ZNF730: variants seen among roughly 807,000 people sequenced by gnomAD.
ZNF730 encodes putative zinc finger protein 730.
A neutral mutation model predicts 12.6 loss-of-function variants in ZNF730; 12 were observed. That is an observed-to-expected ratio of 0.95 (90% CI 0.61 to 1.54). ZNF730 has a LOEUF of 1.54. ZNF730 is among the 40% of genes most tolerant of loss of function. ZNF730 has a pLI of 0.00. For missense variants in ZNF730, 643 were observed against 583.5 expected (o/e 1.10, Z -1.05); for synonymous variants, 194 against 195.8 (o/e 0.99, Z 0.08).
intron 1 of ZNF730, among the ~76,000 whole-genome samples, chr19:23,082,708 AT>A (rs913845297): frequency 6.0e-5 from 8 of 134,350 alleles, no homozygotes; most frequent in Non-Finnish European, 3.2e-5. Context: ...TTCTTTTTTC[AT>A]TTTTTTTTTG....
rs543016427 is a variant in ZNF730, at chr19:23,126,404, C to T, written c.4-7676C>T. On this transcript the variant is annotated intron_variant, in intron 1 of 3. Coordinates refer to ENST00000597761, the MANE Select transcript of ZNF730 (RefSeq NM_001277403.2). ...GGCATTACACCACACAGACTGGCATCGCCTGTACATGGTGCTGCTCCATGC... is the reference window on the plus strand; with the variant it reads ...GGCATTACACCACACAGACTGGCATTGCCTGTACATGGTGCTGCTCCATGC... Among the ~76,000 whole-genome samples the T allele has an allele frequency of 5.3e-5, 8 of 152,304 alleles. No individual in the cohort carries two copies. The South Asian group carries it at 1.4e-3, about 28-fold the overall frequency.
intron 1 of ZNF730, among the ~76,000 whole-genome samples, chr19:23,121,157 G>C (rs532878833): frequency 6.6e-6 from 1 of 152,310 alleles, no homozygotes; most frequent in South Asian, 2.1e-4. Flanking sequence ...GTGGTGGTGA[G>C]AAGAGTGTAT....
chr19:23,093,531 C>T (rs1438688584), intron 1 of ZNF730, among the ~76,000 whole-genome samples: 1 of 152,178 alleles, frequency 6.6e-6, no homozygotes, highest in Non-Finnish European at 1.5e-5. Flanking sequence ...TCCTGCTTCC[C>T]CCCCTCATTC....
intron 1 of ZNF730, 57 bp downstream of exon 1, chr19:23,117,233 G>T: frequency 6.2e-7 from 1 of 1,612,982 alleles, no homozygotes; most frequent in Admixed American, 1.7e-5. Context: ...GGAACCGGTG[G>T]GAAGCGGCTG....
At chr19:23,098,727 A>G (rs768753779) in intron 1 of ZNF730, among the ~76,000 whole-genome samples, 1 of 152,152 alleles carries the variant, frequency 6.6e-6, no homozygotes, top group African/African-American at 2.4e-5. Flanking sequence ...CTGCCTGATC[A>G]GTGCCGTCAG....
intron 1 of ZNF730, chr19:23,127,934 A>T (rs149093695): frequency 2.9e-6 from 2 of 689,900 alleles, no homozygotes; most frequent in African/African-American, 3.5e-5. Context: ...GGCCTAACCA[A>T]TTACACTGCA....
In ZNF730 at chr19:23,127,848, T is replaced by G. The variant is rs937732880; in HGVS notation, c.4-6232T>G. On this transcript the variant is annotated intron_variant, in intron 1 of 3. Transcript: ENST00000597761. ...TAACAAACAAATATTGTCAGATTGC[T>G]TATACCCGTATAGAAGAGGATGTGA... The G allele has an allele frequency of 1.2e-5, 8 of 662,242 alleles. No individual in the cohort carries two copies. The East Asian group carries it at 2.1e-4, about 17-fold the overall frequency. The allele number at this position is 662,242 out of a possible 1,614,324, so 41.0% of individuals were successfully genotyped here.
intron 1 of ZNF730, among the ~76,000 whole-genome samples, chr19:23,077,552 C>T (rs1477930123): frequency 2.7e-5 from 4 of 147,454 alleles, no homozygotes; most frequent in African/African-American, 9.9e-5. Flanking sequence ...ATCCTCCTGC[C>T]TTAGCCTCCC....
rs1007819236 is a variant in ZNF730, at chr19:23,105,118, CTTTT to C, written c.-93-28947_-93-28944del. The stretch of plus-strand genomic sequence containing the variant: ...CAGTCCTGTTATGATTTTTTCTTTT[CTTTT>C]TTTTTTTTTTTTTTAGATGGAGTCT... On this transcript the variant is annotated intron_variant, in intron 1 of 2. Transcript: ENST00000593635. 6.8e-5 allele frequency among the ~76,000 whole-genome samples: 6 copies of C among 87,728 alleles called. No homozygotes were observed. In the South Asian group the frequency reaches 2.0e-3, roughly 30 times the overall value. 57.6% of individuals were successfully genotyped at this position (87,728 alleles called of 152,430 possible).
At position 23,141,581 on chromosome 19, in the gene ZNF730, C is replaced by T. The variant is rs142575414; in HGVS notation, c.227-3690C>T. On this transcript the variant is annotated intron_variant, in intron 3 of 3. Transcript: ENST00000597761. Reference sequence around the variant, plus strand: ...GCATTGAGCAGGATAGACACATTTACAATATTAACTATTTCAACCTTTCTA... The same window carrying T: ...GCATTGAGCAGGATAGACACATTTATAATATTAACTATTTCAACCTTTCTA... 1.6e-4 allele frequency among the ~76,000 whole-genome samples: 24 copies of T among 152,222 alleles called. No individual in the cohort carries two copies. In the East Asian group the frequency reaches 3.1e-3, roughly 20 times the overall value.
At chr19:23,088,177 G>A (rs574929147) in intron 1 of ZNF730, among the ~76,000 whole-genome samples, 117 of 151,938 alleles carry the variant, frequency 7.7e-4, no homozygotes, top group Non-Finnish European at 1.4e-3. Flanking sequence ...CCACCACCAC[G>A]CCTGGCTAAT....
chr19:23,143,659 TG>T (rs772993704), intron 3 of ZNF730: 2 of 152,346 alleles, frequency 1.3e-5, no homozygotes, highest in East Asian at 1.9e-4. Context: ...TTGGCTATTT[TG>T]GAACATCATT....
chr19:23,141,328 GA>G (rs1341057810), intron 3 of ZNF730, among the ~76,000 whole-genome samples: 4 of 151,990 alleles, frequency 2.6e-5, no homozygotes, highest in African/African-American at 9.7e-5. Context: ...CCAGGAGGCA[GA>G]GGTTGTAGGG....
chr19:23,090,964 C>T (rs946559770), intron 1 of ZNF730, among the ~76,000 whole-genome samples: 2 of 151,408 alleles, frequency 1.3e-5, no homozygotes, highest in African/African-American at 4.9e-5. Flanking sequence ...CATGCCATTG[C>T]ACTCCATCCT....
chr19:23,140,891 G>A (rs1251163731), intron 3 of ZNF730, among the ~76,000 whole-genome samples: 4 of 152,046 alleles, frequency 2.6e-5, no homozygotes, highest in African/African-American at 7.2e-5. Flanking sequence ...GGCAGAGGTT[G>A]CAGTGAGCCT....
intron 2 of ZNF730, among the ~76,000 whole-genome samples, 188 bp from the exon 3 acceptor site, chr19:23,135,760 C>G (rs563001268): frequency 6.6e-6 from 1 of 152,240 alleles, no homozygotes; most frequent in African/African-American, 2.4e-5. Flanking sequence ...ATCTGCCTGC[C>G]TCAGCCTCCC....
chr19:23,144,700 CAA>C (rs57769795), intron 3 of ZNF730, among the ~76,000 whole-genome samples: 2 of 85,778 alleles, frequency 2.3e-5, no homozygotes, highest in African/African-American at 4.0e-5. Context: ...ACTCTTGTCT[CAA>C]AAAAAAAAAA....
At chr19:23,103,896 T>G (rs1349493137) in intron 1 of ZNF730, among the ~76,000 whole-genome samples, 2 of 152,200 alleles carry the variant, frequency 1.3e-5, no homozygotes, top group Non-Finnish European at 2.9e-5. Context: ...AGACAAGTGT[T>G]GTCTTGTCTT....
At chr19:23,141,509 A>G (rs1048589225) in intron 3 of ZNF730, among the ~76,000 whole-genome samples, 2 of 152,184 alleles carry the variant, frequency 1.3e-5, no homozygotes, top group African/African-American at 2.4e-5. Context: ...TGACGTTGCA[A>G]TGAGCTGTAA....
Sources: allele counts gnomAD v4.1 joint callset (sites outside exome capture counted in the v4.1 genomes callset), GRCh38; gene constraint gnomAD v4.1.1; transcripts MANE v1.5; gene names NCBI Gene and HGNC (gene_info 2026-07-23, HGNC 2026-07-21).